UGT1A7: variants seen among roughly 807,000 people sequenced by gnomAD.
UGT1A7 encodes the protein UDP glucuronosyltransferase family 1 member A7.
A neutral mutation model predicts 45.6 loss-of-function variants in UGT1A7; 33 were observed. The observed-to-expected ratio is 0.72, with a 90% CI of 0.55 to 0.97. UGT1A7 has a LOEUF of 0.97. Among genes scored for constraint, UGT1A7 ranks in the 50% least tolerant of loss-of-function variants. The pLI, the probability that UGT1A7 is intolerant of heterozygous loss-of-function variation, is 0.00. For synonymous variants in UGT1A7, 274 were observed against 250.6 expected (o/e 1.09, Z -0.88); for missense variants, 684 against 666.2 (o/e 1.03, Z -0.29).
intron 1 of UGT1A7, among the ~76,000 whole-genome samples, chr2:233,705,254 C>G (rs2075836085): frequency 6.6e-6 from 1 of 151,940 alleles, no homozygotes; most frequent in African/African-American, 2.4e-5. Context: ...TCAGATTATT[C>G]TATGGGGTCA....
intron 1 of UGT1A7, chr2:233,722,120 C>G (rs2076991666): frequency 5.4e-6 from 1 of 185,150 alleles, no homozygotes; most frequent in South Asian, 1.2e-4. Context: ...CTATCATCAT[C>G]ATTAGTAGAG....
chr2:233,717,440 C>G (rs1261238198), intron 1 of UGT1A7, among the ~76,000 whole-genome samples: 3 of 152,238 alleles, frequency 2.0e-5, no homozygotes, highest in Non-Finnish European at 4.4e-5. Context: ...CTGATGGACG[C>G]ATCCATTCAC....
At chr2:233,765,388 A>G (rs776122608) in intron 1 of UGT1A7, among the ~76,000 whole-genome samples, 14 of 152,254 alleles carry the variant, frequency 9.2e-5, no homozygotes, top group Non-Finnish European at 1.5e-4. Flanking sequence ...TGGATAAAGA[A>G]AATGTGGTAC....
chr2:233,708,091 G>A (rs778957323), intron 1 of UGT1A7, among the ~76,000 whole-genome samples: 2 of 152,112 alleles, frequency 1.3e-5, no homozygotes, highest in Non-Finnish European at 2.9e-5. Context: ...TTATTCAAAC[G>A]AATTAGAATA....
At chr2:233,754,805 AG>A (rs755746097) in intron 1 of UGT1A7, 241 of 1,294,792 alleles carry the variant, frequency 1.9e-4, no homozygotes, top group Non-Finnish European at 2.3e-4. Context: ...TATCAAAAGA[AG>A]AAAAACCACC....
At chr2:233,755,299 T>C (rs1695851428) in intron 1 of UGT1A7, 2 of 613,704 alleles carry the variant, frequency 3.3e-6, no homozygotes, top group South Asian at 1.7e-5. Flanking sequence ...TGCGGGGCAC[T>C]GGCACAGCGA....
chr2:233,714,481 C>T (rs138449579), intron 1 of UGT1A7, among the ~76,000 whole-genome samples: 103 of 152,274 alleles, frequency 6.8e-4, no homozygotes, highest in African/African-American at 2.4e-3. Flanking sequence ...GAGAATGTTT[C>T]TTGTGAAGAC....
intron 1 of UGT1A7, among the ~76,000 whole-genome samples, chr2:233,759,541 C>T (rs1020987350): frequency 6.6e-6 from 1 of 152,092 alleles, no homozygotes; most frequent in Admixed American, 6.6e-5. Context: ...TGTTCACATG[C>T]GCTCCAGTGA....
At chr2:233,683,873 C>T (rs1312506448) in intron 1 of UGT1A7, among the ~76,000 whole-genome samples, 2 of 152,028 alleles carry the variant, frequency 1.3e-5, no homozygotes, top group East Asian at 1.9e-4. Context: ...CAAATTATTC[C>T]CTCCCCTGGT....
chr2:233,729,563 T>C (rs1575582570), intron 1 of UGT1A7: 2 of 1,614,156 alleles, frequency 1.2e-6, no homozygotes, highest in South Asian at 1.1e-5. Flanking sequence ...GCTACTTCCT[T>C]TGATGTGGTT....
At chr2:233,685,050 C>T (rs1446648716) in intron 1 of UGT1A7, among the ~76,000 whole-genome samples, 3 of 151,600 alleles carry the variant, frequency 2.0e-5, no homozygotes, top group Non-Finnish European at 2.9e-5. Flanking sequence ...TGTGCAATGT[C>T]TTAAGCTCTG....
intron 1 of UGT1A7, chr2:233,713,481 T>C (rs1386809200): frequency 3.1e-6 from 5 of 1,614,080 alleles, no homozygotes; most frequent in Non-Finnish European, 4.2e-6. Context: ...GCTGGCTAAG[T>C]ACCTGTCGAT....
Position 233,682,463 on chromosome 2 carries a change from T to A in UGT1A7, c.526T>A (p.Tyr176Asn). ...CTTCGCCAGGGGAATATTTTGCCAC[T>A]ATCTTGAAGAAGGTGCACAGTGCCC... ...VVFARGIFCH[Y>N]LEEGAQCPAP... The change falls in exon 1 of 5, where the codon TAT becomes AAT. Residue 176 changes from tyrosine (Y) to asparagine (N), a missense_variant. By Grantham distance (143) the Tyr-to-Asn change is moderately radical (BLOSUM62 -2). Coordinates refer to ENST00000373426, the MANE Select transcript of UGT1A7 (RefSeq NM_019077.3). 1 of 1,613,942 alleles carries A rather than the reference T, an allele frequency of 6.2e-7. No individual in the cohort carries two copies. Among genetic ancestry groups the A allele is most frequent in the Admixed American group, 1.7e-5 (1 of 60,012 alleles).
At chr2:233,729,037 G>A in intron 1 of UGT1A7, 2 of 1,603,940 alleles carry the variant, frequency 1.2e-6, no homozygotes, top group Non-Finnish European at 1.7e-6. Context: ...TTTGCTAAGT[G>A]GCTCAGTGAC....
rs143031439 is a variant in UGT1A7 at position 233,719,079 on chromosome 2, A to G, written c.855+36287A>G. ...AGCCTATGCTGTTCCATGGACCCAG[A>G]AGGAATTTGATCGCGTTACGCTGGG... On this transcript the variant is annotated intron_variant, in intron 1 of 4. Coordinates refer to ENST00000373426, the MANE Select transcript of UGT1A7 (RefSeq NM_019077.3). 42 of 1,614,102 alleles carry G rather than the reference A, an allele frequency of 2.6e-5. No homozygotes were observed. In the East Asian group the frequency reaches 3.3e-4, roughly 13 times the overall value.
intron 1 of UGT1A7, among the ~76,000 whole-genome samples, chr2:233,748,343 G>A (rs192012783): frequency 6.6e-5 from 10 of 151,870 alleles, no homozygotes; most frequent in African/African-American, 1.2e-4. Flanking sequence ...GAGACTGTTC[G>A]TTTGTAAAGG....
Position 233,757,560 on chromosome 2 carries a change from A to ATATATG in UGT1A7, c.856-9473_856-9472insATATGT, listed in dbSNP as rs904896556. On this transcript the variant is annotated intron_variant, in intron 1 of 4. Transcript: ENST00000373426. The stretch of plus-strand genomic sequence containing the variant: ...AATATATATATATATATATATATAT[A>ATATATG]TGTATATATGATATAGCTATAGTCT... 7.5e-3 allele frequency among the ~76,000 whole-genome samples: 922 copies of ATATATG among 123,150 alleles called. 38 individuals are homozygous for ATATATG. The highest frequency in any genetic ancestry group is 0.029 in the African/African-American group (852 of 29,358). 80.8% of individuals were successfully genotyped at this position (123,150 alleles called of 152,430 possible).
intron 1 of UGT1A7, chr2:233,756,082 A>G (rs549873303): frequency 1.3e-5 from 2 of 152,358 alleles, no homozygotes; most frequent in African/African-American, 4.8e-5. Flanking sequence ...CAATGAGAAA[A>G]TCAAGTAACA....
intron 1 of UGT1A7, chr2:233,730,054 A>T (rs2077976978): frequency 1.2e-6 from 2 of 1,611,936 alleles, no homozygotes; most frequent in East Asian, 4.5e-5. Context: ...AAAAAAATGT[A>T]TTTATTTAAA....
Sources: allele counts gnomAD v4.1 joint callset (sites outside exome capture counted in the v4.1 genomes callset), GRCh38; gene constraint gnomAD v4.1.1; transcripts MANE v1.5; gene names NCBI Gene and HGNC (gene_info 2026-07-23, HGNC 2026-07-21).